RAB10: variants seen among roughly 807,000 people sequenced by gnomAD.
The protein encoded by RAB10 is RAB10, member RAS oncogene family.
A neutral mutation model predicts 25.7 loss-of-function variants in RAB10; 5 were observed. The ratio of observed to expected loss-of-function variants is 0.19; its 90% CI spans 0.10 to 0.41. The LOEUF (loss-of-function observed/expected upper bound fraction) is 0.41, where lower values mean the gene tolerates loss of function less well. Ranked by LOEUF, RAB10 falls within the 10% of genes least tolerant of loss-of-function variation. The probability of loss-of-function intolerance (pLI) is 1.00; values close to 1 mark genes in which losing one functional copy is unlikely to be tolerated. For missense variants in RAB10, 103 were observed against 245.8 expected (o/e 0.42, Z 3.89); for synonymous variants, 89 against 86.4 (o/e 1.03, Z -0.16).
chr2:26,034,871 T>G (rs1574520421), intron 1 of RAB10, 136 bp downstream of exon 1: 2 of 1,324,388 alleles, frequency 1.5e-6, no homozygotes, highest in East Asian at 4.7e-5. Flanking sequence ...AGTTACTGTT[T>G]GAATCGGCAT....
Position 26,099,924 on chromosome 2 carries a change from G to A in RAB10, c.188+1202G>A, listed in dbSNP as rs141762401. On this transcript the variant is annotated intron_variant, in intron 2 of 5. Coordinates refer to ENST00000264710, the MANE Select transcript of RAB10 (RefSeq NM_016131.5). ...TTTTCAACATGACTGTATCTACCCC[G>A]CAGAATGACCTAGCTCCTTGATTTT... is the stretch of plus-strand genomic sequence containing the variant. Among the ~76,000 whole-genome samples, 754 of 151,856 alleles carry A rather than the reference G, an allele frequency of 5.0e-3. 2 individuals are homozygous for A. The highest frequency in any genetic ancestry group is 0.027 in the Middle Eastern group (8 of 294).
chr2:26,125,558 T>C (rs1667888197), intron 3 of RAB10, among the ~76,000 whole-genome samples: 1 of 151,210 alleles, frequency 6.6e-6, no homozygotes, highest in Admixed American at 6.6e-5. Flanking sequence ...CAAGTGATTC[T>C]CCTACCACAG....
In RAB10 at chr2:26,135,001, T is replaced by C; in HGVS notation, c.583T>C (p.Trp195Arg). The change falls in exon 6 of 6, where the codon TGG (tryptophan) becomes CGG (arginine). Residue 195 changes from tryptophan to arginine, a missense_variant. Physicochemically the swap from Trp to Arg is moderately radical, Grantham distance 101. Transcript: ENST00000264710. Reference sequence around the variant, plus strand: ...CAGCAGTGGAGGAGGCGTGACAGGCTGGAAGAGCAAATGCTGCTGAGCATT... The same window carrying C: ...CAGCAGTGGAGGAGGCGTGACAGGCCGGAAGAGCAAATGCTGCTGAGCATT... ...DISSGGGVTG[W>R]KSKCC 6.2e-7 allele frequency: 1 copy of C among 1,613,614 alleles called. No individual in the cohort carries two copies. Among genetic ancestry groups the C allele is most frequent in the Non-Finnish European group, 8.5e-7 (1 of 1,179,592 alleles).
intron 2 of RAB10, among the ~76,000 whole-genome samples, chr2:26,105,110 G>T (rs1042323581): frequency 1.3e-5 from 2 of 152,080 alleles, no homozygotes; most frequent in African/African-American, 4.8e-5. Flanking sequence ...ATATTCAGTT[G>T]TTCCAGCACC....
intron 2 of RAB10, among the ~76,000 whole-genome samples, chr2:26,106,087 G>A (rs1667459011): frequency 6.6e-6 from 1 of 152,198 alleles, no homozygotes; most frequent in South Asian, 2.1e-4. Flanking sequence ...TTGGCATCCA[G>A]GTTATTGGAG....
chr2:26,113,735 G>A (rs1574558197), intron 3 of RAB10, among the ~76,000 whole-genome samples: 2 of 117,218 alleles, frequency 1.7e-5, no homozygotes, highest in East Asian at 4.9e-4. Context: ...CTGAGTTCCA[G>A]CCAGAGCTAA....
intron 1 of RAB10, among the ~76,000 whole-genome samples, chr2:26,036,094 C>G (rs1394864553): frequency 1.3e-5 from 2 of 152,152 alleles, no homozygotes; most frequent in Non-Finnish European, 2.9e-5. Flanking sequence ...CTAGCACTTC[C>G]CTAGCACTGT....
intron 1 of RAB10, among the ~76,000 whole-genome samples, chr2:26,080,775 C>T (rs1307352990): frequency 6.6e-6 from 1 of 152,148 alleles, no homozygotes; most frequent in Non-Finnish European, 1.5e-5. Flanking sequence ...AATGGCATTA[C>T]AGGCGCTTGA....
At chr2:26,108,963 G>C (rs1023748586) in intron 2 of RAB10, among the ~76,000 whole-genome samples, 14 of 151,882 alleles carry the variant, frequency 9.2e-5, no homozygotes, top group African/African-American at 3.4e-4. Context: ...CCAAGCTGGA[G>C]TGTAGTGGCA....
At chr2:26,054,296 T>A (rs914474447) in intron 1 of RAB10, among the ~76,000 whole-genome samples, 5 of 151,610 alleles carry the variant, frequency 3.3e-5, no homozygotes, top group African/African-American at 1.2e-4. Flanking sequence ...TCAGGTGATC[T>A]GCCCGTCTTG....
chr2:26,102,124 C>T (rs543762782), intron 2 of RAB10: 1 of 152,460 alleles, frequency 6.6e-6, no homozygotes, highest in Non-Finnish European at 1.5e-5. Flanking sequence ...ATGATAGTGG[C>T]AGGATCTGCC....
intron 1 of RAB10, among the ~76,000 whole-genome samples, chr2:26,092,261 C>CTGTGTG (rs56875863): frequency 9.9e-4 from 129 of 130,936 alleles, no homozygotes; most frequent in Non-Finnish European, 1.3e-3. Flanking sequence ...ATAGTGAGAG[C>CTGTGTG]TGTGTGTGTG....
intron 1 of RAB10, among the ~76,000 whole-genome samples, chr2:26,054,469 C>T (rs574306234): frequency 4.6e-5 from 7 of 152,194 alleles, no homozygotes; most frequent in East Asian, 1.9e-4. Context: ...GCATTATAGG[C>T]GTGAGCCACC....
intron 1 of RAB10, among the ~76,000 whole-genome samples, chr2:26,052,208 G>A (rs558648789): frequency 2.0e-5 from 3 of 151,778 alleles, no homozygotes; most frequent in Non-Finnish European, 4.4e-5. Flanking sequence ...GGAGACCCCC[G>A]TCTCTACAAA....
At chr2:26,082,029 A>G (rs1666880666) in intron 1 of RAB10, among the ~76,000 whole-genome samples, 1 of 152,174 alleles carries the variant, frequency 6.6e-6, no homozygotes, top group African/African-American at 2.4e-5. Flanking sequence ...AAATGGTAAA[A>G]ATGTGTGGAA....
chr2:26,106,311 G>A (rs1667461923), intron 2 of RAB10, among the ~76,000 whole-genome samples: 1 of 152,302 alleles, frequency 6.6e-6, no homozygotes, highest in East Asian at 1.9e-4. Context: ...TAAGTGGGAA[G>A]AATCAATCTA....
At chr2:26,108,891 T>C in intron 2 of RAB10, among the ~76,000 whole-genome samples, 1 of 147,372 alleles carries the variant, frequency 6.8e-6, no homozygotes, top group South Asian at 2.1e-4. Context: ...ATTTATTTAT[T>C]TATTTATTTA....
At chr2:26,072,360 G>A (rs1029778329) in intron 1 of RAB10, among the ~76,000 whole-genome samples, 5 of 152,074 alleles carry the variant, frequency 3.3e-5, no homozygotes, top group African/African-American at 1.2e-4. Flanking sequence ...GGGTTGCAGT[G>A]AGCTGAGATC....
intron 2 of RAB10, among the ~76,000 whole-genome samples, chr2:26,105,456 G>A (rs1013785731): frequency 3.9e-5 from 6 of 152,040 alleles, no homozygotes; most frequent in African/African-American, 1.4e-4. Flanking sequence ...TTTGAGACCA[G>A]CCTGGCCAAC....
Sources: allele counts gnomAD v4.1 joint callset (sites outside exome capture counted in the v4.1 genomes callset), GRCh38; gene constraint gnomAD v4.1.1; transcripts MANE v1.5; gene names NCBI Gene and HGNC (gene_info 2026-07-23, HGNC 2026-07-21).